Variants in ARHGEF4 observed in about 807,000 individuals in gnomAD.
ARHGEF4 encodes APC-stimulated guanine nucleotide exchange factor 1.
In ARHGEF4, 119 loss-of-function variants were observed where a neutral mutation model predicts 162.0. The ratio of observed to expected loss-of-function variants is 0.73; its 90% CI spans 0.63 to 0.86. The LOEUF is 0.86. ARHGEF4 is among the 40% of genes least tolerant of loss of function. The probability of loss-of-function intolerance (pLI) is 0.00; values close to 1 mark genes in which losing one functional copy is unlikely to be tolerated. For synonymous variants in ARHGEF4, 1,014 were observed against 979.9 expected (o/e 1.03, Z -0.65); for missense variants, 2,488 against 2,456.0 (o/e 1.01, Z -0.28).
rs1386207173 is a variant in ARHGEF4, at chr2:131,035,285, C to T, written c.4126-3568C>T. 1.1e-5 allele frequency: 13 copies of T among 1,210,844 alleles called. No homozygotes were observed. In the East Asian group the frequency reaches 2.6e-4, roughly 25 times the overall value. 75.0% of individuals were successfully genotyped at this position (1,210,844 alleles called of 1,614,324 possible). A position where few individuals can be genotyped will look rare whatever the true frequency, so the allele number is the denominator to read the frequency against. ...TGAGCGGCCGCGCAGGGCGCCGCGC[C>T]GGGGTGAGTGGCGCGGGCGACGGCA... On this transcript the variant is annotated intron_variant, in intron 5 of 13. Transcript: ENST00000409359.
chr2:130,999,145 G>GT (rs1255157714), intron 4 of ARHGEF4, among the ~76,000 whole-genome samples: 3 of 149,808 alleles, frequency 2.0e-5, no homozygotes, highest in Admixed American at 1.3e-4. Context: ...ATAATTGAGG[G>GT]TTTTTTTGTT....
intron 4 of ARHGEF4, among the ~76,000 whole-genome samples, chr2:130,985,446 A>C (rs1191895830): frequency 6.6e-6 from 1 of 152,090 alleles, no homozygotes; most frequent in Non-Finnish European, 1.5e-5. Flanking sequence ...CAGCCGAGGA[A>C]ATGGGAGCTC....
At chr2:131,042,689 G>A (rs1210313980) in intron 10 of ARHGEF4, among the ~76,000 whole-genome samples, 3 of 152,232 alleles carry the variant, frequency 2.0e-5, no homozygotes, top group Non-Finnish European at 2.9e-5. Context: ...GCTGTGAGGC[G>A]GGGCTGAGCA....
chr2:130,988,879 T>C (rs1263328502), intron 4 of ARHGEF4, among the ~76,000 whole-genome samples: 1 of 24,346 alleles, frequency 4.1e-5, no homozygotes, highest in African/African-American at 9.5e-5. Flanking sequence ...TGTGTATATA[T>C]ATATATATAT....
Position 130,983,736 on chromosome 2 carries a change from G to A in ARHGEF4, c.3985+37101G>A, listed in dbSNP as rs1024399399. On this transcript the variant is annotated intron_variant, in intron 4 of 13. Transcript: ENST00000409359. ...GCCATCTCAGCTCACTGCAAGCTCCGCCTCCCGGGTTCATGCCATTCTCCT... is the reference window on the plus strand; with the variant it reads ...GCCATCTCAGCTCACTGCAAGCTCCACCTCCCGGGTTCATGCCATTCTCCT... 3.3e-5 allele frequency among the ~76,000 whole-genome samples: 5 copies of A among 151,914 alleles called. No homozygotes were observed. In the East Asian group the frequency reaches 9.7e-4, roughly 29 times the overall value.
In ARHGEF4 at chr2:131,022,539, G is replaced by C. The variant is rs188750841; in HGVS notation, c.3986-5406G>C. Among the ~76,000 whole-genome samples the C allele has an allele frequency of 2.6e-5, 4 of 151,686 alleles. No homozygotes were observed. The East Asian group carries it at 7.7e-4, about 29-fold the overall frequency. ...TCAAAACTTTTGATTTTTTACAAAG[G>C]TACAAAAGCAATTCGGTGGAGAAAT... is the stretch of plus-strand genomic sequence containing the variant. On this transcript the variant is annotated intron_variant, in intron 4 of 13. Coordinates refer to ENST00000409359, the MANE Select transcript of ARHGEF4 (RefSeq NM_001367493.1).
intron 1 of ARHGEF4, among the ~76,000 whole-genome samples, chr2:130,904,332 TG>T (rs1311994640): frequency 2.0e-5 from 3 of 152,200 alleles, no homozygotes; most frequent in Non-Finnish European, 2.9e-5. Context: ...CTGCACAGTT[TG>T]GGTGTTATAT....
intron 4 of ARHGEF4, among the ~76,000 whole-genome samples, chr2:130,950,016 C>T (rs1683855102): frequency 6.6e-6 from 1 of 152,214 alleles, no homozygotes; most frequent in Admixed American, 6.5e-5. Context: ...AGCAGTCTTC[C>T]CCCAGCAGTG....
intron 4 of ARHGEF4, among the ~76,000 whole-genome samples, chr2:131,017,472 C>T (rs1688843451): frequency 6.6e-6 from 1 of 152,182 alleles, no homozygotes; most frequent in South Asian, 2.1e-4. Context: ...CTGGGAGACT[C>T]ATGTTGAAAC....
Position 130,916,603 on chromosome 2 carries a change from G to A in ARHGEF4, c.2657G>A (p.Arg886Gln). The change falls in exon 2 of 14, where the codon CGA (arginine) becomes CAA (glutamine). Residue 886 changes from arginine (R) to glutamine (Q), a missense_variant. This residue lies in a region of ARHGEF4 where 1,642 missense variants were observed against 1,481.5 expected (regional missense o/e 1.11). Transcript: ENST00000409359. ...HTGTSGDLGS[R>Q]GPSSESCNAK... The stretch of plus-strand genomic sequence containing the variant: ...GGGACCTCAGGGGATCTTGGTAGCC[G>A]AGGGCCTTCCTCTGAGAGCTGCAAC... 1.3e-6 allele frequency: 2 copies of A among 1,550,580 alleles called. No individual in the cohort carries two copies. The highest frequency in any genetic ancestry group is 1.7e-6 in the Non-Finnish European group (2 of 1,146,976).
At chr2:131,024,743 T>C (rs1418583407) in intron 4 of ARHGEF4, among the ~76,000 whole-genome samples, 1 of 152,192 alleles carries the variant, frequency 6.6e-6, no homozygotes, top group Admixed American at 6.5e-5. Context: ...TGAAATTATA[T>C]TGTATCTTAG....
chr2:130,840,892 A>G (rs541503696), intron 1 of ARHGEF4, among the ~76,000 whole-genome samples: 11 of 152,308 alleles, frequency 7.2e-5, no homozygotes, highest in South Asian at 2.1e-4. Flanking sequence ...GCTGTTACGC[A>G]GGTGACCAGC....
At chr2:130,838,371 T>TGG (rs367681347) in intron 1 of ARHGEF4, among the ~76,000 whole-genome samples, 53 of 150,078 alleles carry the variant, frequency 3.5e-4, no homozygotes, top group African/African-American at 1.2e-3. Context: ...GGAGGCCGAG[T>TGG]GGGGGGGGCG....
At chr2:130,918,598 C>T (rs996973421) in intron 2 of ARHGEF4, among the ~76,000 whole-genome samples, 3 of 152,318 alleles carry the variant, frequency 2.0e-5, no homozygotes, top group African/African-American at 7.2e-5. Context: ...CCTGGGCTCA[C>T]GGGCTGCGCA....
At chr2:130,844,542 C>CTAAA (rs1680818537) in intron 1 of ARHGEF4, among the ~76,000 whole-genome samples, 1 of 152,156 alleles carries the variant, frequency 6.6e-6, no homozygotes, top group Non-Finnish European at 1.5e-5. Flanking sequence ...TGCCTGTGAA[C>CTAAA]TAAAGATTGC....
At chr2:130,931,692 A>G (rs1261215850) in intron 3 of ARHGEF4, among the ~76,000 whole-genome samples, 2 of 152,272 alleles carry the variant, frequency 1.3e-5, no homozygotes, top group Non-Finnish European at 2.9e-5. Context: ...TATGTTGTCC[A>G]TTCAATTTTG....
At position 130,917,498 on chromosome 2, in the gene ARHGEF4, GGTGA is replaced by G. The variant is rs2105060850; in HGVS notation, c.3552+3_3552+6del. 1.6e-5 allele frequency: 24 copies of G among 1,547,938 alleles called. No individual in the cohort carries two copies. Among genetic ancestry groups the G allele is most frequent in the Non-Finnish European group, 2.0e-5 (23 of 1,146,018 alleles). ...GGCTCAGGGACCTTCCTGGGAGTGA[GGTGA>G]GTATCTGAATCGCACCAAGCCTTTC... On this transcript the variant is annotated splice_donor_variant and splice_donor_region_variant and intron_variant, in intron 2 of 13. Transcript: ENST00000409359. LOFTEE classifies it high-confidence loss of function.
At chr2:131,017,224 A>G (rs1394983401) in intron 4 of ARHGEF4, among the ~76,000 whole-genome samples, 1 of 152,172 alleles carries the variant, frequency 6.6e-6, no homozygotes, top group Non-Finnish European at 1.5e-5. Context: ...GTAGCTTTGT[A>G]AGAGAGTTTG....
At chr2:131,028,513 G>A (rs1689627958) in intron 5 of ARHGEF4, among the ~76,000 whole-genome samples, 1 of 152,232 alleles carries the variant, frequency 6.6e-6, no homozygotes, top group Admixed American at 6.5e-5. Context: ...CCTGACAACA[G>A]GAGTTCAGAA....
Sources: allele counts gnomAD v4.1 joint callset (sites outside exome capture counted in the v4.1 genomes callset), GRCh38; gene constraint gnomAD v4.1.1; regional missense constraint gnomAD v4.1.1; transcripts MANE v1.5; gene names NCBI Gene and HGNC (gene_info 2026-07-23, HGNC 2026-07-21).